Variants in FHIT observed in about 807,000 individuals in gnomAD.
The protein encoded by FHIT is bis(5'-adenosyl)-triphosphatase.
FHIT carries 19 observed loss-of-function variants against 17.9 expected under a neutral mutation model. The observed-to-expected ratio is 1.06, with a 90% CI of 0.74 to 1.56. The LOEUF is 1.56. Among genes scored for constraint, FHIT ranks in the 40% most tolerant of loss-of-function variants. FHIT has a pLI of 0.00. For synonymous variants in FHIT, 81 were observed against 69.7 expected (o/e 1.16, Z -0.81); for missense variants, 248 against 189.2 (o/e 1.31, Z -1.82).
chr3:60,865,050 AATCT>A (rs1279490446), intron 3 of FHIT, among the ~76,000 whole-genome samples: 2 of 152,276 alleles, frequency 1.3e-5, no homozygotes, highest in African/African-American at 4.8e-5. Flanking sequence ...ATAGGGAATA[AATCT>A]ATCTGTTGGC....
chr3:59,929,860 CTTTTT>C (rs3047601), intron 7 of FHIT, among the ~76,000 whole-genome samples: 2 of 143,684 alleles, frequency 1.4e-5, no homozygotes, highest in Non-Finnish European at 3.0e-5. Context: ...ATGATACACG[CTTTTT>C]TTTTTTTTTT....
intron 4 of FHIT, among the ~76,000 whole-genome samples, chr3:60,776,190 A>G (rs1298620022): frequency 3.9e-5 from 6 of 152,150 alleles, no homozygotes; most frequent in African/African-American, 1.4e-4. Context: ...TGTTTAGCAA[A>G]GCCTTGAGAG....
intron 5 of FHIT, among the ~76,000 whole-genome samples, chr3:60,433,961 G>A (rs1232522908): frequency 6.6e-6 from 1 of 152,002 alleles, no homozygotes; most frequent in Non-Finnish European, 1.5e-5. Flanking sequence ...TGTGATTTCG[G>A]TGTCCTATCC....
chr3:61,038,847 G>A (rs1220595202), intron 3 of FHIT, among the ~76,000 whole-genome samples: 1 of 152,076 alleles, frequency 6.6e-6, no homozygotes, highest in Non-Finnish European at 1.5e-5. Flanking sequence ...AAAATGCAGG[G>A]TCTCTTATAA....
At chr3:60,417,190 T>C (rs962348936) in intron 5 of FHIT, among the ~76,000 whole-genome samples, 1 of 152,224 alleles carries the variant, frequency 6.6e-6, no homozygotes, top group African/African-American at 2.4e-5. Flanking sequence ...AATATTATGT[T>C]ATTCTATGCT....
chr3:60,585,944 C>T (rs2037891714), intron 4 of FHIT, among the ~76,000 whole-genome samples: 1 of 151,848 alleles, frequency 6.6e-6, no homozygotes, highest in Non-Finnish European at 1.5e-5. Context: ...CATCAGAACT[C>T]TCCAAGTAGG....
chr3:59,856,957 G>C (rs975596979), intron 8 of FHIT, among the ~76,000 whole-genome samples: 1 of 151,930 alleles, frequency 6.6e-6, no homozygotes, highest in African/African-American at 2.4e-5. Flanking sequence ...AAGAAACTGA[G>C]TCAAGTGGAA....
intron 3 of FHIT, among the ~76,000 whole-genome samples, chr3:60,835,752 G>A (rs1553743702): frequency 6.6e-6 from 1 of 152,072 alleles, no homozygotes; most frequent in Non-Finnish European, 1.5e-5. Flanking sequence ...TAAGTAGCTG[G>A]GATGACAGGC....
intron 4 of FHIT, among the ~76,000 whole-genome samples, chr3:60,677,591 A>C (rs1300870299): frequency 6.6e-6 from 1 of 151,920 alleles, no homozygotes; most frequent in Admixed American, 6.6e-5. Context: ...ATGTATATAC[A>C]TGTGGTGTGT....
intron 8 of FHIT, among the ~76,000 whole-genome samples, chr3:59,827,023 T>C (rs779303934): frequency 1.2e-4 from 18 of 152,206 alleles, no homozygotes; most frequent in Non-Finnish European, 2.1e-4. Flanking sequence ...AAAACTCAGC[T>C]GTCAATGATG....
At chr3:59,880,272 T>TTC (rs1374342788) in intron 8 of FHIT, among the ~76,000 whole-genome samples, 3 of 152,030 alleles carry the variant, frequency 2.0e-5, no homozygotes. Flanking sequence ...GTGCCTGCTC[T>TTC]TCTCTCTCTC....
chr3:60,764,713 G>T (rs558390605), intron 4 of FHIT, among the ~76,000 whole-genome samples: 288 of 151,434 alleles, frequency 1.9e-3, no homozygotes, highest in Non-Finnish European at 2.9e-3. Flanking sequence ...GAAAAAACTA[G>T]GATGAGATTA....
At chr3:61,220,646 T>C (rs2039812020) in intron 1 of FHIT, among the ~76,000 whole-genome samples, 1 of 152,200 alleles carries the variant, frequency 6.6e-6, no homozygotes, top group South Asian at 2.1e-4. Flanking sequence ...GGACCACATC[T>C]GTCTTGTTCT....
intron 5 of FHIT, among the ~76,000 whole-genome samples, chr3:60,466,636 C>A (rs1055213320): frequency 6.6e-6 from 1 of 151,782 alleles, no homozygotes; most frequent in Non-Finnish European, 1.5e-5. Flanking sequence ...ATAATCATAT[C>A]GTTTTTGTCC....
chr3:61,208,238 T>C (rs1432029601), intron 1 of FHIT, among the ~76,000 whole-genome samples: 1 of 152,086 alleles, frequency 6.6e-6, no homozygotes, highest in Non-Finnish European at 1.5e-5. Context: ...CTTCCAACTA[T>C]GTGGTCAATT....
At chr3:60,853,530 TC>T (rs1703239464) in intron 3 of FHIT, among the ~76,000 whole-genome samples, 1 of 152,144 alleles carries the variant, frequency 6.6e-6, no homozygotes, top group African/African-American at 2.4e-5. Context: ...CACTGTGACT[TC>T]CTAAAGCAGT....
rs567864778 is a variant in FHIT at position 60,574,493 on chromosome 3, C to A, written c.-17-37514G>T. On this transcript the variant is annotated intron_variant, in intron 4 of 9. Coordinates refer to ENST00000492590, the MANE Select transcript of FHIT (RefSeq NM_002012.4). Reference sequence around the variant, plus strand: ...TGGGGCACAGTTGAGGCAGGCACTACGAGCTTAGACGAGCCTTCAGCCCCA... The same window carrying A: ...TGGGGCACAGTTGAGGCAGGCACTAAGAGCTTAGACGAGCCTTCAGCCCCA... 7.9e-5 allele frequency among the ~76,000 whole-genome samples: 12 copies of A among 151,804 alleles called. No individual in the cohort carries two copies. The East Asian group carries it at 2.3e-3, about 30-fold the overall frequency.
intron 8 of FHIT, among the ~76,000 whole-genome samples, chr3:59,866,668 T>G (rs1258445335): frequency 1.3e-5 from 2 of 152,152 alleles, no homozygotes; most frequent in African/African-American, 2.4e-5. Context: ...AAAGGATTAC[T>G]TGAAATCACT....
chr3:60,788,953 A>C (rs1700676138), intron 4 of FHIT, among the ~76,000 whole-genome samples: 1 of 151,996 alleles, frequency 6.6e-6, no homozygotes, highest in Non-Finnish European at 1.5e-5. Flanking sequence ...CAGGGACTAG[A>C]CAATTCCAAA....
Sources: gnomAD v4.1 joint callset for allele counts (sites outside exome capture counted in the v4.1 genomes callset) on GRCh38, gnomAD v4.1.1 for gene constraint, MANE v1.5 for transcripts, NCBI Gene and HGNC (gene_info 2026-07-23, HGNC 2026-07-21) for gene names.